The following PTPRG variants were observed in gnomAD, a reference collection of about 807,000 sequenced individuals.
The protein encoded by PTPRG is receptor-type tyrosine-protein phosphatase gamma.
Under a neutral mutation model 165.3 loss-of-function variants are expected in PTPRG, and 102 were observed. That is an observed-to-expected ratio of 0.62 (90% CI 0.53 to 0.73). The LOEUF (loss-of-function observed/expected upper bound fraction) is 0.73, where lower values mean the gene tolerates loss of function less well. Among genes scored for constraint, PTPRG ranks in the 30% least tolerant of loss-of-function variants. The pLI, the probability that PTPRG is intolerant of heterozygous loss-of-function variation, is 0.00. For synonymous variants in PTPRG, 675 were observed against 669.5 expected, an observed-to-expected ratio of 1.01 and a Z score of -0.13; for missense variants, 1,866 against 1,861.4, an observed-to-expected ratio of 1.00 and a Z score of -0.05.
intron 5 of PTPRG, among the ~76,000 whole-genome samples, chr3:62,082,508 A>G (rs528033488): frequency 6.6e-6 from 1 of 152,316 alleles, no homozygotes; most frequent in South Asian, 2.1e-4. Flanking sequence ...TTTACACAAA[A>G]TGTCTTGATG....
rs1263143646 is a variant in PTPRG at position 62,003,312 on chromosome 3, C to T, written c.371-37C>T. ...AAAAACTCCATTTGGTTTTGAAACT[C>T]ACTTTGTTTTCCTCTCTTCTCATTT... On this transcript the variant is annotated intron_variant, in intron 3 of 29. Coordinates refer to ENST00000474889, the MANE Select transcript of PTPRG (RefSeq NM_002841.4). The T allele has an allele frequency of 1.9e-6, 3 of 1,584,030 alleles. No homozygotes were observed. The East Asian group carries it at 6.7e-5, about 36-fold the overall frequency.
At chr3:62,178,748 C>G (rs28759031) in intron 8 of PTPRG, among the ~76,000 whole-genome samples, 1 of 152,204 alleles carries the variant, frequency 6.6e-6, no homozygotes, top group African/African-American at 2.4e-5. Context: ...ACTTAATCCT[C>G]TCCATCTCTA....
At chr3:62,199,631 T>C (rs2106829388) in intron 10 of PTPRG, among the ~76,000 whole-genome samples, 1 of 152,348 alleles carries the variant, frequency 6.6e-6, no homozygotes, top group Non-Finnish European at 1.5e-5. Context: ...CAAAAATATA[T>C]GTGGGTCACT....
At chr3:61,966,662 T>C (rs919641829) in intron 2 of PTPRG, among the ~76,000 whole-genome samples, 1 of 152,180 alleles carries the variant, frequency 6.6e-6, no homozygotes, top group Non-Finnish European at 1.5e-5. Context: ...CAAGAATGAT[T>C]TGCTGGGTGT....
intron 2 of PTPRG, among the ~76,000 whole-genome samples, chr3:61,752,835 C>T (rs915967351): frequency 2.1e-5 from 3 of 146,106 alleles, no homozygotes; most frequent in African/African-American, 7.5e-5. Context: ...CCAACTCCTG[C>T]TTATAGTAAT....
intron 28 of PTPRG, among the ~76,000 whole-genome samples, chr3:62,290,481 A>G (rs544722384): frequency 9.2e-5 from 14 of 152,322 alleles, no homozygotes; most frequent in African/African-American, 3.4e-4. Context: ...AATACGAAGT[A>G]AATGTAGAGA....
chr3:62,068,945 A>G (rs1014920242), intron 4 of PTPRG, among the ~76,000 whole-genome samples: 1 of 152,202 alleles, frequency 6.6e-6, no homozygotes, highest in Non-Finnish European at 1.5e-5. Flanking sequence ...GTTTATTTAA[A>G]TGCCACCTTG....
intron 1 of PTPRG, among the ~76,000 whole-genome samples, chr3:61,580,135 G>A (rs1700254126): frequency 6.6e-6 from 1 of 152,140 alleles, no homozygotes; most frequent in Admixed American, 6.5e-5. Context: ...TATTAGTAAA[G>A]CTCCTGGGGA....
chr3:62,093,890 T>C (rs1702025171), intron 5 of PTPRG, among the ~76,000 whole-genome samples: 1 of 152,138 alleles, frequency 6.6e-6, no homozygotes, highest in African/African-American at 2.4e-5. Flanking sequence ...CCAAGCACTT[T>C]GGAATAAATT....
intron 1 of PTPRG, among the ~76,000 whole-genome samples, chr3:61,671,375 A>G (rs540505180): frequency 1.8e-4 from 27 of 151,970 alleles, no homozygotes; most frequent in African/African-American, 6.0e-4. Flanking sequence ...CATCTGTTTA[A>G]CAAAGCACAT....
At chr3:61,659,496 T>TCC in intron 1 of PTPRG, 1 of 964,524 alleles carries the variant, frequency 1.0e-6, no homozygotes, top group Non-Finnish European at 1.2e-6. Context: ...GAAGAGAAGG[T>TCC]AGGGGTCTGG....
intron 2 of PTPRG, among the ~76,000 whole-genome samples, chr3:61,975,915 G>T (rs369677368): frequency 3.9e-5 from 6 of 152,088 alleles, no homozygotes; most frequent in African/African-American, 1.4e-4. Flanking sequence ...TATTCTCCTT[G>T]TATACCCCTA....
At chr3:61,748,837 G>T in intron 1 of PTPRG, 41 bp from the exon 2 acceptor site, 1 of 1,519,622 alleles carries the variant, frequency 6.6e-7, no homozygotes, top group Non-Finnish European at 9.1e-7. Context: ...TATCCAGTGG[G>T]GTGCTGCCTT....
chr3:61,594,253 C>T (rs1180542838), intron 1 of PTPRG, among the ~76,000 whole-genome samples: 1 of 151,980 alleles, frequency 6.6e-6, no homozygotes, highest in Non-Finnish European at 1.5e-5. Flanking sequence ...GAAAATACTC[C>T]TCCGGGAGGA....
rs1487573477 is a variant in PTPRG at position 61,615,099 on chromosome 3, G to C, written c.85+52727G>C. ...GCCAGCCTGGCACCCTGTCCCCTCT[G>C]GACACTTGAATGTGTATTTCCTACA... On this transcript the variant is annotated intron_variant, in intron 1 of 29. Transcript: ENST00000474889. Among the ~76,000 whole-genome samples, 4 of 152,170 alleles carry C rather than the reference G, an allele frequency of 2.6e-5. No individual in the cohort carries two copies. The East Asian group carries it at 5.8e-4, about 22-fold the overall frequency.
In PTPRG at chr3:62,214,584, C is replaced by T. The variant is rs1276521983; in HGVS notation, c.2156-4267C>T. Reference sequence around the variant, plus strand: ...TTCCATACACAGACGGAAATCAGCCCTGCCTTTGGGGACCTAGAGTAACAA... The same window carrying T: ...TTCCATACACAGACGGAAATCAGCCTTGCCTTTGGGGACCTAGAGTAACAA... On this transcript the variant is annotated intron_variant, in intron 12 of 29. Coordinates refer to ENST00000474889, the MANE Select transcript of PTPRG (RefSeq NM_002841.4). This position sits in a 1 kb window ranked among gnomAD's most constrained non-coding sequence, Gnocchi z 5.2. Among the ~76,000 whole-genome samples, 1 of 152,160 alleles carries T rather than the reference C, an allele frequency of 6.6e-6. No homozygotes were observed. The highest frequency in any genetic ancestry group is 1.5e-5 in the Non-Finnish European group (1 of 68,040).
chr3:61,788,459 A>T (rs1559612295), intron 2 of PTPRG, among the ~76,000 whole-genome samples: 1 of 152,224 alleles, frequency 6.6e-6, no homozygotes, highest in Non-Finnish European at 1.5e-5. Context: ...ATTTTGAGAT[A>T]CCTGCAGCAA....
At chr3:62,253,144 G>A (rs376548345) in intron 15 of PTPRG, among the ~76,000 whole-genome samples, 76 of 152,296 alleles carry the variant, frequency 5.0e-4, no homozygotes, top group African/African-American at 1.8e-3. Flanking sequence ...TTAATGATCT[G>A]AGGTGGGCTA....
At chr3:62,182,762 C>G (rs965286029) in intron 8 of PTPRG, among the ~76,000 whole-genome samples, 1 of 152,220 alleles carries the variant, frequency 6.6e-6, no homozygotes. Context: ...CAGGTTCAAG[C>G]AATTCTGCCT....
Sources: gnomAD v4.1 joint callset for allele counts (sites outside exome capture counted in the v4.1 genomes callset) on GRCh38, gnomAD v4.1.1 for gene constraint, Gnocchi (gnomAD v3.1) non-coding constraint, MANE v1.5 for transcripts, NCBI Gene and HGNC (gene_info 2026-07-23, HGNC 2026-07-21) for gene names.